Variants in RHOBTB1 observed in about 807,000 individuals in gnomAD.
RHOBTB1 encodes the protein rho-related BTB domain-containing protein 1.
A neutral mutation model predicts 71.6 loss-of-function variants in RHOBTB1; 40 were observed. That is an observed-to-expected ratio of 0.56 (90% CI 0.43 to 0.73). RHOBTB1 has a LOEUF of 0.73. RHOBTB1 is among the 30% of genes least tolerant of loss of function. The pLI is 0.00. For missense variants in RHOBTB1, 797 were observed against 894.0 expected (o/e 0.89, Z 1.38); for synonymous variants, 319 against 334.9 (o/e 0.95, Z 0.52).
chr10:60,903,894 C>T (rs2082533839), intron 4 of RHOBTB1, among the ~76,000 whole-genome samples: 5 of 152,124 alleles, frequency 3.3e-5, no homozygotes, highest in Admixed American at 3.3e-4. Flanking sequence ...ATAATTAAAA[C>T]ATATATAGTC....
chr10:60,978,400 C>T (rs964951202), intron 2 of RHOBTB1, among the ~76,000 whole-genome samples: 2 of 152,170 alleles, frequency 1.3e-5, no homozygotes, highest in South Asian at 2.1e-4. Flanking sequence ...ACAAAGGGAA[C>T]ATGGGTTTGC....
intron 2 of RHOBTB1, among the ~76,000 whole-genome samples, chr10:60,941,373 A>T (rs2084894642): frequency 6.6e-6 from 1 of 152,172 alleles, no homozygotes; most frequent in African/African-American, 2.4e-5. Flanking sequence ...GCAGAATAAG[A>T]ATATTAACAT....
downstream of RHOBTB1, among the ~76,000 whole-genome samples, chr10:60,864,688 T>C (rs1201941701): frequency 6.6e-6 from 1 of 152,160 alleles, no homozygotes; most frequent in East Asian, 1.9e-4. Flanking sequence ...TTTTATTTTA[T>C]CTATTTTTAT....
rs1037433582 is a variant in RHOBTB1 at position 60,932,158 on chromosome 10, C to T, written c.-11+9646G>A. ...ACAAACACATAAATATTGATGTACA[C>T]TCAGTGCCCAAATTTAACATTGTAA... On this transcript the variant is annotated intron_variant, in intron 2 of 10. Coordinates refer to ENST00000337910, the MANE Select transcript of RHOBTB1 (RefSeq NM_014836.5). Among the ~76,000 whole-genome samples the T allele has an allele frequency of 2.6e-5, 4 of 152,160 alleles. No homozygotes were observed. In the East Asian group the frequency reaches 5.8e-4, roughly 22 times the overall value.
At chr10:60,882,437 T>C (rs2081367925) in intron 7 of RHOBTB1, among the ~76,000 whole-genome samples, 1 of 152,180 alleles carries the variant, frequency 6.6e-6, no homozygotes, top group Admixed American at 6.5e-5. Context: ...GGGGAGAGAA[T>C]TATGCTTACT....
chr10:60,869,150 A>G (rs777326968), downstream of RHOBTB1, among the ~76,000 whole-genome samples: 12 of 152,242 alleles, frequency 7.9e-5, no homozygotes, highest in Non-Finnish European at 1.8e-4. Flanking sequence ...GTCCTGTAGG[A>G]TAGTTCTAGT....
rs187182981 is a variant in RHOBTB1 at position 60,997,030 on chromosome 10, C to T, written c.-163+4369G>A. ...ATTTTTGAACATGCTTGATTTGAGCCAATATCAAGTCTAGTAGCCACAGCA... is the reference window on the plus strand; with the variant it reads ...ATTTTTGAACATGCTTGATTTGAGCTAATATCAAGTCTAGTAGCCACAGCA... On this transcript the variant is annotated intron_variant, in intron 1 of 11. Transcript: ENST00000357917. Among the ~76,000 whole-genome samples the T allele has an allele frequency of 4.0e-3, 596 of 150,294 alleles. 3 individuals carry two copies. The highest frequency in any genetic ancestry group is 7.0e-3 in the Non-Finnish European group (471 of 67,650).
intron 2 of RHOBTB1, among the ~76,000 whole-genome samples, chr10:60,938,930 G>T (rs528138378): frequency 3.3e-5 from 5 of 152,100 alleles, no homozygotes; most frequent in Non-Finnish European, 5.9e-5. Context: ...CTAGTTTATT[G>T]TTATCACAGC....
chr10:60,864,552 CA>C (rs1407408774), downstream of RHOBTB1, among the ~76,000 whole-genome samples: 1 of 152,132 alleles, frequency 6.6e-6, no homozygotes, highest in Non-Finnish European at 1.5e-5. Context: ...AAAAAAAGAG[CA>C]AAAGCAACCA....
intron 5 of RHOBTB1, among the ~76,000 whole-genome samples, chr10:60,889,534 C>T (rs1221406183): frequency 1.3e-5 from 2 of 151,976 alleles, no homozygotes; most frequent in African/African-American, 4.8e-5. Context: ...TGTGTATTGA[C>T]CTTTTATCCT....
At chr10:60,896,107 T>C (rs561626307) in intron 4 of RHOBTB1, among the ~76,000 whole-genome samples, 1 of 152,376 alleles carries the variant, frequency 6.6e-6, no homozygotes, top group South Asian at 2.1e-4. Context: ...CAGCTAAGAA[T>C]ATCTCCAGCT....
the RHOBTB1 span, among the ~76,000 whole-genome samples, chr10:60,863,027 C>G: frequency 6.6e-6 from 1 of 152,050 alleles, no homozygotes; most frequent in Non-Finnish European, 1.5e-5. Context: ...GTTTACCTCC[C>G]ATTTTTAGTT....
chr10:60,936,261 G>A (rs1347757382), intron 2 of RHOBTB1, among the ~76,000 whole-genome samples: 3 of 152,166 alleles, frequency 2.0e-5, no homozygotes, highest in Non-Finnish European at 2.9e-5. Flanking sequence ...CTGCAACATA[G>A]GTTGGCCTAT....
At chr10:60,877,810 T>TA (rs1472298294) in intron 8 of RHOBTB1, 98 bp downstream of exon 8, 6 of 1,289,544 alleles carry the variant, frequency 4.7e-6, no homozygotes, top group Non-Finnish European at 6.4e-6. Flanking sequence ...TTTTGGGTGA[T>TA]AAAAAATCAA....
intron 1 of RHOBTB1, among the ~76,000 whole-genome samples, chr10:60,993,045 C>T (rs944396389): frequency 1.3e-5 from 2 of 152,004 alleles, no homozygotes; most frequent in South Asian, 4.1e-4. Context: ...AAGAAGAGAA[C>T]GAGGGCTTCG....
intron 2 of RHOBTB1, among the ~76,000 whole-genome samples, chr10:60,971,649 A>T (rs2086162901): frequency 6.6e-6 from 1 of 152,264 alleles, no homozygotes. Context: ...AGACTTCATG[A>T]CTAAAACACC....
chr10:60,909,249 G>C (rs1390037143), intron 4 of RHOBTB1, among the ~76,000 whole-genome samples: 3 of 152,170 alleles, frequency 2.0e-5, no homozygotes, highest in African/African-American at 7.2e-5. Flanking sequence ...CACCACACCA[G>C]CTTTACGCTG....
chr10:60,907,221 A>G (rs2082723993), intron 4 of RHOBTB1, among the ~76,000 whole-genome samples: 1 of 152,210 alleles, frequency 6.6e-6, no homozygotes, highest in Non-Finnish European at 1.5e-5. Flanking sequence ...CAGTGTAAGA[A>G]CAGACTAATA....
chr10:60,872,163 T>A (rs1302739738), intron 10 of RHOBTB1, 22 bp downstream of exon 10: 1 of 1,523,486 alleles, frequency 6.6e-7, no homozygotes, highest in Non-Finnish European at 9.1e-7. Context: ...GCTGGATGAA[T>A]GGGGGCCTCA....
Sources: gnomAD v4.1 joint callset for allele counts (sites outside exome capture counted in the v4.1 genomes callset) on GRCh38, gnomAD v4.1.1 for gene constraint, MANE v1.5 for transcripts, NCBI Gene and HGNC (gene_info 2026-07-23, HGNC 2026-07-21) for gene names.